Variants in EYS observed in about 807,000 individuals in gnomAD.
EYS encodes the protein EGF-like photoreceptor maintenance factor, also known as protein eyes shut homolog.
A neutral mutation model predicts 282.1 loss-of-function variants in EYS; 250 were observed. That is an observed-to-expected ratio of 0.89 (90% CI 0.80 to 0.98). The LOEUF is 0.98. EYS is among the 50% of genes least tolerant of loss of function. The pLI is 0.00. For missense variants in EYS, 4,016 were observed against 3,709.0 expected, an observed-to-expected ratio of 1.08 and a Z score of -2.15; for synonymous variants, 1,355 against 1,282.9, an observed-to-expected ratio of 1.06 and a Z score of -1.20.
chr6:65,399,089 T>G (rs1766396422), intron 7 of EYS, among the ~76,000 whole-genome samples: 1 of 152,098 alleles, frequency 6.6e-6, no homozygotes. Context: ...TACATACTCA[T>G]AGTAGCTTTC....
At chr6:64,593,072 T>G (rs184504019) in intron 25 of EYS, 45 bp downstream of exon 25, 1 of 1,384,068 alleles carries the variant, frequency 7.2e-7, no homozygotes, top group East Asian at 2.9e-5. Context: ...ACCACACAAC[T>G]TTTTCAAACT....
chr6:64,028,367 A>G (rs994419647), intron 33 of EYS, among the ~76,000 whole-genome samples: 20 of 152,058 alleles, frequency 1.3e-4, no homozygotes, highest in Non-Finnish European at 2.8e-4. Flanking sequence ...AAGGCTTAGT[A>G]AGGAAATGCA....
intron 22 of EYS, among the ~76,000 whole-genome samples, chr6:64,753,418 GA>G (rs1188026463): frequency 1.3e-5 from 2 of 150,744 alleles, no homozygotes; most frequent in African/African-American, 4.9e-5. Flanking sequence ...TAAAGGGGTG[GA>G]AAAAGATATG....
At chr6:64,859,737 A>G (rs1361276375) in intron 19 of EYS, among the ~76,000 whole-genome samples, 1 of 152,206 alleles carries the variant, frequency 6.6e-6, no homozygotes, top group African/African-American at 2.4e-5. Flanking sequence ...TAAGTCTGTT[A>G]AAACTCTTTC....
At chr6:64,411,702 G>T (rs572847391) in intron 28 of EYS, among the ~76,000 whole-genome samples, 1 of 152,122 alleles carries the variant, frequency 6.6e-6, no homozygotes, top group African/African-American at 2.4e-5. Flanking sequence ...TTCAAAACTA[G>T]CCAGGTGTGG....
At chr6:64,795,729 G>T (rs535557129) in intron 22 of EYS, among the ~76,000 whole-genome samples, 22 of 152,256 alleles carry the variant, frequency 1.4e-4, no homozygotes, top group Admixed American at 9.8e-4. Flanking sequence ...CAGTGGGCAG[G>T]TAAACTCAAT....
chr6:63,999,546 A>G (rs988433963), intron 33 of EYS, among the ~76,000 whole-genome samples: 1 of 152,252 alleles, frequency 6.6e-6, no homozygotes, highest in Non-Finnish European at 1.5e-5. Flanking sequence ...TTGTTGGACC[A>G]GTAACATCAA....
In EYS at chr6:64,112,533, C is replaced by T. The variant is rs187795178; in HGVS notation, c.6425-30531G>A. 1.8e-4 allele frequency among the ~76,000 whole-genome samples: 28 copies of T among 151,462 alleles called. 1 individual carries two copies. The East Asian group carries it at 5.4e-3, about 29-fold the overall frequency. On this transcript the variant is annotated intron_variant, in intron 31 of 42. Coordinates refer to ENST00000503581, the MANE Select transcript of EYS (RefSeq NM_001142800.2). ...TATTAAATCAAGTTAGTTAACATAC[C>T]CACCATCTCAAATACTTACCATTTA...
At chr6:65,629,189 G>T (rs944517361) in intron 2 of EYS, among the ~76,000 whole-genome samples, 4 of 152,094 alleles carry the variant, frequency 2.6e-5, no homozygotes, top group African/African-American at 4.8e-5. Context: ...TTCCTGGCAG[G>T]ATCAAGGTAC....
intron 1 of EYS, among the ~76,000 whole-genome samples, chr6:65,675,372 G>T (rs1296085076): frequency 6.6e-6 from 1 of 151,674 alleles, no homozygotes; most frequent in Non-Finnish European, 1.5e-5. Context: ...CCCTACAAGA[G>T]ACTCACTTTA....
rs189020062 is a variant in EYS at position 65,139,455 on chromosome 6, G to A, written c.2024-81728C>T. Reference sequence around the variant, plus strand: ...TTTGAGGGTGAAGGGAAGGAAGAGGGTAACAATCAAAAACCTACTCATGGG... The same window carrying A: ...TTTGAGGGTGAAGGGAAGGAAGAGGATAACAATCAAAAACCTACTCATGGG... On this transcript the variant is annotated intron_variant, in intron 12 of 42. Coordinates refer to ENST00000503581, the MANE Select transcript of EYS (RefSeq NM_001142800.2). Among the ~76,000 whole-genome samples, 161 of 152,096 alleles carry A rather than the reference G, an allele frequency of 1.1e-3. 1 individual carries two copies. The highest frequency in any genetic ancestry group is 3.7e-3 in the African/African-American group (154 of 41,506).
At chr6:65,514,651 C>G (rs993116238) in intron 2 of EYS, among the ~76,000 whole-genome samples, 1 of 152,208 alleles carries the variant, frequency 6.6e-6, no homozygotes, top group Non-Finnish European at 1.5e-5. Context: ...CTACAACTAT[C>G]TGATCTTTGA....
At chr6:64,227,296 A>G (rs577406847) in intron 31 of EYS, among the ~76,000 whole-genome samples, 82 of 152,202 alleles carry the variant, frequency 5.4e-4, no homozygotes, top group Middle Eastern at 6.8e-3. Context: ...CTAGATCAAC[A>G]TTAACTTCTT....
intron 26 of EYS, among the ~76,000 whole-genome samples, chr6:64,564,524 G>A (rs962613051): frequency 6.6e-6 from 1 of 151,646 alleles, no homozygotes; most frequent in Non-Finnish European, 1.5e-5. Flanking sequence ...CTCGTGATCC[G>A]TCCACCTCCG....
intron 14 of EYS, among the ~76,000 whole-genome samples, chr6:64,961,373 A>G (rs1334043887): frequency 1.3e-5 from 2 of 152,182 alleles, no homozygotes; most frequent in Non-Finnish European, 2.9e-5. Flanking sequence ...AAATTTTAAT[A>G]TAAGTAAATG....
chr6:64,453,471 T>C (rs1475084664), intron 26 of EYS, among the ~76,000 whole-genome samples: 1 of 152,158 alleles, frequency 6.6e-6, no homozygotes, highest in African/African-American at 2.4e-5. Context: ...GATCTAGAAC[T>C]GGAAATACCA....
At chr6:64,329,109 C>T (rs1484019901) in intron 29 of EYS, among the ~76,000 whole-genome samples, 1 of 151,966 alleles carries the variant, frequency 6.6e-6, no homozygotes, top group Non-Finnish European at 1.5e-5. Context: ...CCCCGAGGAG[C>T]CTATGGTCTC....
chr6:65,371,577 A>C (rs1765139827), intron 8 of EYS, among the ~76,000 whole-genome samples: 1 of 151,906 alleles, frequency 6.6e-6, no homozygotes, highest in South Asian at 2.1e-4. Context: ...AACTTCCAGG[A>C]TGATATCAAT....
intron 16 of EYS, among the ~76,000 whole-genome samples, chr6:64,908,069 A>C (rs1442195664): frequency 1.3e-5 from 2 of 152,212 alleles, no homozygotes; most frequent in Non-Finnish European, 2.9e-5. Context: ...CTATGTATCC[A>C]CAACTTGTCA....
Sources: gnomAD v4.1 joint callset for allele counts (sites outside exome capture counted in the v4.1 genomes callset) on GRCh38, gnomAD v4.1.1 for gene constraint, MANE v1.5 for transcripts, NCBI Gene and HGNC (gene_info 2026-07-23, HGNC 2026-07-21) for gene names.